KCMF1: variants seen among roughly 807,000 people sequenced by gnomAD.
KCMF1 encodes the protein E3 ubiquitin-protein ligase KCMF1.
A neutral mutation model predicts 41.1 loss-of-function variants in KCMF1; 3 were observed. The observed-to-expected ratio is 0.07, with a 90% CI of 0.03 to 0.19. The LOEUF (loss-of-function observed/expected upper bound fraction) is 0.19. Among genes scored for constraint, KCMF1 ranks in the 10% least tolerant of loss-of-function variants. The pLI is 1.00. For missense variants in KCMF1, 286 were observed against 488.9 expected, an observed-to-expected ratio of 0.58 and a Z score of 3.91; for synonymous variants, 142 against 164.5, an observed-to-expected ratio of 0.86 and a Z score of 1.04.
intron 2 of KCMF1, among the ~76,000 whole-genome samples, chr2:85,031,316 CTT>C (rs1381098355): frequency 6.6e-6 from 1 of 152,106 alleles, no homozygotes; most frequent in Non-Finnish European, 1.5e-5. Context: ...TTTTGACAAA[CTT>C]TTGTAGTTAT....
chr2:84,992,632 T>C (rs1395579275), intron 1 of KCMF1, among the ~76,000 whole-genome samples: 2 of 151,926 alleles, frequency 1.3e-5, no homozygotes, highest in African/African-American at 4.8e-5. Context: ...GGTTTTTTTT[T>C]GTTTTTTGTT....
intron 1 of KCMF1, among the ~76,000 whole-genome samples, chr2:85,008,321 C>CATATGTAATATATAATATGATATATA (rs1558573481): frequency 2.3e-5 from 1 of 43,948 alleles, no homozygotes; most frequent in South Asian, 6.8e-4. Flanking sequence ...ATATATATAT[C>CATATGTAATATATAATATGATATATA]ATATATAATA....
At chr2:84,972,157 G>A (rs888766890) in intron 1 of KCMF1, 1 of 152,250 alleles carries the variant, frequency 6.6e-6, no homozygotes, top group African/African-American at 2.4e-5. Context: ...AGTCACCCAG[G>A]CGGAGCAGGG....
At chr2:84,980,403 G>A (rs1673701051) in intron 1 of KCMF1, among the ~76,000 whole-genome samples, 1 of 152,170 alleles carries the variant, frequency 6.6e-6, no homozygotes, top group African/African-American at 2.4e-5. Context: ...GGAATGTCTT[G>A]AGAGCTGGGT....
At chr2:85,023,225 C>T (rs1674992987) in intron 1 of KCMF1, among the ~76,000 whole-genome samples, 1 of 151,130 alleles carries the variant, frequency 6.6e-6, no homozygotes, top group South Asian at 2.1e-4. Flanking sequence ...TTTCACTCAT[C>T]TGAGGCAGAT....
At chr2:85,051,930 G>A (rs1394112526) in intron 6 of KCMF1, among the ~76,000 whole-genome samples, 1 of 152,170 alleles carries the variant, frequency 6.6e-6, no homozygotes, top group Non-Finnish European at 1.5e-5. Context: ...TATATATAGG[G>A]CCCAAGCCTT....
chr2:84,983,232 A>G (rs1673809753), intron 1 of KCMF1, among the ~76,000 whole-genome samples: 1 of 152,246 alleles, frequency 6.6e-6, no homozygotes, highest in South Asian at 2.1e-4. Flanking sequence ...GAAATTAATA[A>G]TGAAATAACA....
At chr2:85,008,671 T>C (rs1029855374) in intron 1 of KCMF1, among the ~76,000 whole-genome samples, 1 of 151,564 alleles carries the variant, frequency 6.6e-6, no homozygotes. Context: ...GCTGGAAACA[T>C]GCGTATCAAG....
chr2:84,974,069 C>T (rs1341073152), intron 1 of KCMF1, among the ~76,000 whole-genome samples: 1 of 152,034 alleles, frequency 6.6e-6, no homozygotes, highest in East Asian at 1.9e-4. Flanking sequence ...CTCAGGTGAT[C>T]CACCCGCCTT....
rs1218355425 is a variant in KCMF1 at position 85,053,732 on chromosome 2, G to C, written c.*323G>C. On this transcript the variant is annotated 3_prime_UTR_variant, in exon 7 of 7. Coordinates refer to ENST00000409785, the MANE Select transcript of KCMF1 (RefSeq NM_020122.5). ...TAATGAAGCTGCTGTGTGTATTTAT[G>C]AATATTAATGAATAAAAACTGCTTG... 3.4e-5 allele frequency: 7 copies of C among 203,064 alleles called. No individual in the cohort carries two copies. The highest frequency in any genetic ancestry group is 6.9e-5 in the Non-Finnish European group (7 of 101,002). 12.6% of individuals were successfully genotyped at this position (203,064 alleles called of 1,614,324 possible).
At chr2:85,008,387 A>G (rs538886990) in intron 1 of KCMF1, among the ~76,000 whole-genome samples, 1,514 of 131,568 alleles carry the variant, frequency 0.012, 66 homozygotes, top group African/African-American at 0.041. Context: ...TATATTATAT[A>G]TGATATATAT....
At chr2:85,044,038 A>G (rs1319729091) in intron 4 of KCMF1, among the ~76,000 whole-genome samples, 2 of 152,182 alleles carry the variant, frequency 1.3e-5, no homozygotes, top group Non-Finnish European at 2.9e-5. Context: ...CTTGTCCTTC[A>G]TCTTTAGTTC....
At chr2:85,026,492 ATTATTT>A (rs1553381470) in intron 1 of KCMF1, among the ~76,000 whole-genome samples, 5 of 143,140 alleles carry the variant, frequency 3.5e-5, no homozygotes, top group African/African-American at 8.0e-5. Flanking sequence ...TATTATTATT[ATTATTT>A]TTATTTTTTC....
At chr2:85,038,000 T>C (rs559987051) in intron 3 of KCMF1, among the ~76,000 whole-genome samples, 39 of 152,376 alleles carry the variant, frequency 2.6e-4, no homozygotes, top group Non-Finnish European at 5.0e-4. Context: ...ATTATATTAA[T>C]ACTATTTCAA....
rs569938731 is a variant in KCMF1, at chr2:84,998,914, TTACCTATC to T, written c.16+27450_16+27457del. ...GCTATGACCCACTGTGCTGGGCCTC[TTACCTATC>T]TATCTATCTATCTATCTATCTATCT... On this transcript the variant is annotated intron_variant, in intron 1 of 6. Transcript: ENST00000409785. Among the ~76,000 whole-genome samples the T allele has an allele frequency of 1.7e-3, 248 of 145,404 alleles. 3 individuals are homozygous for T. The highest frequency in any genetic ancestry group is 5.6e-3 in the African/African-American group (214 of 38,404).
At chr2:84,997,985 C>T (rs1674217993) in intron 1 of KCMF1, among the ~76,000 whole-genome samples, 1 of 151,586 alleles carries the variant, frequency 6.6e-6, no homozygotes, top group Non-Finnish European at 1.5e-5. Context: ...GTTGGCCAGG[C>T]TGGTCTTGAA....
intron 1 of KCMF1, among the ~76,000 whole-genome samples, chr2:84,984,982 G>GC (rs1673865045): frequency 6.6e-6 from 1 of 152,128 alleles, no homozygotes; most frequent in Middle Eastern, 3.2e-3. Context: ...ACCATGGCCG[G>GC]CCAGAGTATG....
chr2:85,038,824 C>T (rs1675460295), intron 3 of KCMF1, among the ~76,000 whole-genome samples: 1 of 152,004 alleles, frequency 6.6e-6, no homozygotes, highest in Middle Eastern at 3.2e-3. Flanking sequence ...TTCTAAGAGC[C>T]GCTCAAAAGC....
Position 85,053,284 on chromosome 2 carries a change from C to G in KCMF1, c.1021C>G (p.Arg341Gly). The change falls in exon 7 of 7, where the codon CGG (arginine) becomes GGG (glycine). Residue 341 changes from arginine to glycine, a missense_variant. By Grantham distance (125) the Arg-to-Gly change is moderately radical (BLOSUM62 -2). Around this residue, in one of 2 missense-constraint regions of KCMF1, gnomAD observed 191 missense variants for 279.3 expected, o/e 0.68. Coordinates refer to ENST00000409785, the MANE Select transcript of KCMF1 (RefSeq NM_020122.5). ...GAGCTCATCCTCAGATGAGGATGAT[C>G]GGGGGGAGATGGCAGATTTTGGTGC... Reference protein sequence around the residue: ...EESSSSDEDDRGEMADFGAMG... With the variant: ...EESSSSDEDDGGEMADFGAMG... 2 of 1,613,810 alleles carry G rather than the reference C, an allele frequency of 1.2e-6. No individual in the cohort carries two copies. The highest frequency in any genetic ancestry group is 1.7e-6 in the Non-Finnish European group (2 of 1,179,862).
Sources: allele counts gnomAD v4.1 joint callset (sites outside exome capture counted in the v4.1 genomes callset), GRCh38; gene constraint gnomAD v4.1.1; regional missense constraint gnomAD v4.1.1; transcripts MANE v1.5; gene names NCBI Gene and HGNC (gene_info 2026-07-23, HGNC 2026-07-21).